GDPD5: variants seen among roughly 807,000 people sequenced by gnomAD.
GDPD5 encodes glycerophosphodiester phosphodiesterase 2.
A neutral mutation model predicts 75.1 loss-of-function variants in GDPD5; 48 were observed. That is an observed-to-expected ratio of 0.64 (90% CI 0.51 to 0.81). The LOEUF (loss-of-function observed/expected upper bound fraction) is 0.81, where lower values mean the gene tolerates loss of function less well. GDPD5 is among the 40% of genes least tolerant of loss of function. The pLI is 0.00. For synonymous variants in GDPD5, 336 were observed against 339.0 expected (o/e 0.99, Z 0.10); for missense variants, 706 against 822.6 (o/e 0.86, Z 1.73).
intron 7 of GDPD5, 42 bp from the exon 8 acceptor site, chr11:75,449,652 T>G: frequency 1.3e-6 from 2 of 1,543,834 alleles, no homozygotes. Flanking sequence ...AACGCCCAGC[T>G]CTGCCCAGAC....
intron 6 of GDPD5, chr11:75,456,545 C>G: frequency 1.7e-6 from 1 of 591,830 alleles, no homozygotes; most frequent in Non-Finnish European, 3.0e-6. Flanking sequence ...GATAACAGTA[C>G]CTACATCACA....
At chr11:75,510,660 C>A (rs1950496294) in intron 1 of GDPD5, among the ~76,000 whole-genome samples, 1 of 151,472 alleles carries the variant, frequency 6.6e-6, no homozygotes, top group Admixed American at 6.6e-5. Context: ...CACCCCCACT[C>A]CCCCATCTCT....
chr11:75,477,320 G>C (rs915643991), intron 3 of GDPD5, among the ~76,000 whole-genome samples: 4 of 152,254 alleles, frequency 2.6e-5, no homozygotes, highest in African/African-American at 9.6e-5. Context: ...AGATCTGCCA[G>C]GAAGCTGAGA....
chr11:75,443,837 T>A (rs185346004), intron 10 of GDPD5, among the ~76,000 whole-genome samples: 13 of 152,280 alleles, frequency 8.5e-5, no homozygotes, highest in Admixed American at 8.5e-4. Flanking sequence ...CCTCAAGGCA[T>A]TTTACCACCA....
chr11:75,442,380 C>T lies in GDPD5; in HGVS notation c.1150G>A (p.Gly384Ser), dbSNP rs763876729. 1.1e-5 allele frequency: 17 copies of T among 1,564,898 alleles called. No individual in the cohort carries two copies. The highest frequency in any genetic ancestry group is 4.1e-5 in the African/African-American group (3 of 73,746). Residue 384 changes from glycine (G) to serine (S), a missense_variant, in exon 12 of 17, where the codon GGC (glycine) becomes AGC (serine). By Grantham distance (56) the Gly-to-Ser change is moderately conservative. Transcript: ENST00000336898. The part of the protein sequence containing the change: ...NVTLEAVLHS[G>S]FPQHQVMWLP... The stretch of plus-strand genomic sequence containing the variant: ...GGCCTCACCTGGTGCTGGGGGAAGC[C>T]GGAGTGCAGCACGGCCTCCAGAGTC...
rs530236457 is a variant in GDPD5, at chr11:75,516,499, A to C, written c.-145+8711T>G. On this transcript the variant is annotated intron_variant, in intron 1 of 16. Transcript: ENST00000336898. ...GTCCTCAGAGCCTCCTCTGGTCTTAAAGAAGAGCAGTTTGAAGGGATGCCC... is the reference window on the plus strand; with the variant it reads ...GTCCTCAGAGCCTCCTCTGGTCTTACAGAAGAGCAGTTTGAAGGGATGCCC... 5.3e-5 allele frequency among the ~76,000 whole-genome samples: 8 copies of C among 152,268 alleles called. No individual in the cohort carries two copies. The South Asian group carries it at 1.7e-3, about 32-fold the overall frequency.
chr11:75,452,571 C>T (rs1470820085), intron 6 of GDPD5, among the ~76,000 whole-genome samples: 3 of 152,202 alleles, frequency 2.0e-5, no homozygotes, highest in Non-Finnish European at 4.4e-5. Context: ...ATGGTTACTG[C>T]TGTTATGGTG....
chr11:75,499,498 C>T (rs1950268257), intron 1 of GDPD5, among the ~76,000 whole-genome samples: 1 of 151,286 alleles, frequency 6.6e-6, no homozygotes, highest in African/African-American at 2.4e-5. Flanking sequence ...TGGCTCAGAC[C>T]CTGTTTTGGT....
At chr11:75,503,671 G>A (rs895046192) in intron 1 of GDPD5, among the ~76,000 whole-genome samples, 2 of 152,248 alleles carry the variant, frequency 1.3e-5, no homozygotes, top group Non-Finnish European at 1.5e-5. Context: ...CAAAAGCAGA[G>A]TGAGCTCCCA....
At chr11:75,463,126 C>T (rs1024242035) in intron 3 of GDPD5, among the ~76,000 whole-genome samples, 1 of 152,354 alleles carries the variant, frequency 6.6e-6, no homozygotes, top group Middle Eastern at 3.4e-3. Flanking sequence ...GCCTCCCCCC[C>T]TGGGGCTGTG....
intron 1 of GDPD5, among the ~76,000 whole-genome samples, chr11:75,518,273 G>A (rs754630787): frequency 1.3e-5 from 2 of 152,208 alleles, no homozygotes; most frequent in Non-Finnish European, 1.5e-5. Flanking sequence ...CTGGAACCCA[G>A]GTTAACTGGA....
chr11:75,475,567 GGA>G (rs2135360525), intron 3 of GDPD5, among the ~76,000 whole-genome samples: 1 of 152,252 alleles, frequency 6.6e-6, no homozygotes, highest in Admixed American at 6.5e-5. Context: ...AGAGAAATGG[GGA>G]GAGAGAGAAA....
intron 1 of GDPD5, among the ~76,000 whole-genome samples, chr11:75,499,394 C>CTT (rs376714511): frequency 0.11 from 5,121 of 44,654 alleles, 279 homozygotes; most frequent in East Asian, 0.31. Context: ...TCTTCTTTTC[C>CTT]TTTTTTTTTT....
chr11:75,435,167 T>C lies in GDPD5; in HGVS notation c.*340A>G, dbSNP rs1377463791. On this transcript the variant is annotated 3_prime_UTR_variant, in exon 17 of 17. Transcript: ENST00000336898. The stretch of plus-strand genomic sequence containing the variant: ...CACAGGTGAGCATCCACACACTCCA[T>C]TGCCACAGGGGGTATGGCATGGCCC... The C allele has an allele frequency of 4.0e-5, 8 of 198,692 alleles. No individual in the cohort carries two copies. The highest frequency in any genetic ancestry group is 6.1e-5 in the Non-Finnish European group (6 of 98,372). 12.3% of individuals were successfully genotyped at this position (198,692 alleles called of 1,614,324 possible).
chr11:75,492,106 G>A (rs1255722739), intron 1 of GDPD5, among the ~76,000 whole-genome samples: 3 of 152,214 alleles, frequency 2.0e-5, no homozygotes, highest in Non-Finnish European at 4.4e-5. Context: ...AGCCTTACCT[G>A]GGCCCATGGC....
intron 3 of GDPD5, among the ~76,000 whole-genome samples, 182 bp from the exon 4 acceptor site, chr11:75,463,071 C>T (rs1427498914): frequency 1.3e-5 from 2 of 152,228 alleles, no homozygotes; most frequent in Non-Finnish European, 2.9e-5. Context: ...TCCACCATCA[C>T]CAAGCCCAAA....
chr11:75,512,748 T>C (rs1950551667), intron 1 of GDPD5, among the ~76,000 whole-genome samples: 1 of 151,344 alleles, frequency 6.6e-6, no homozygotes, highest in Non-Finnish European at 1.5e-5. Context: ...AAACCCTGTC[T>C]CTACTAAAAA....
chr11:75,456,264 C>G (rs369336729), intron 6 of GDPD5, among the ~76,000 whole-genome samples: 109 of 152,222 alleles, frequency 7.2e-4, no homozygotes, highest in African/African-American at 2.4e-3. Context: ...AAGTTTGGGT[C>G]ATCCTGGGAG....
chr11:75,457,863 C>T, intron 4 of GDPD5, 77 bp from the exon 5 acceptor site: 2 of 1,118,620 alleles, frequency 1.8e-6, no homozygotes, highest in Non-Finnish European at 1.3e-6. Context: ...TGGTCTGAGC[C>T]TCCACACAGA....
Sources: gnomAD v4.1 joint callset for allele counts (sites outside exome capture counted in the v4.1 genomes callset) on GRCh38, gnomAD v4.1.1 for gene constraint, MANE v1.5 for transcripts, NCBI Gene and HGNC (gene_info 2026-07-23, HGNC 2026-07-21) for gene names.